AFF1: variants seen among roughly 807,000 people sequenced by gnomAD.
AFF1 encodes ALF transcription elongation factor 1.
A neutral mutation model predicts 121.7 loss-of-function variants in AFF1; 48 were observed. The ratio of observed to expected loss-of-function variants is 0.39; its 90% CI spans 0.31 to 0.50. The LOEUF is 0.50. Among genes scored for constraint, AFF1 ranks in the 20% least tolerant of loss-of-function variants. The pLI, the probability that AFF1 is intolerant of heterozygous loss-of-function variation, is 0.76. For missense variants in AFF1, 1,523 were observed against 1,511.7 expected, an observed-to-expected ratio of 1.01 and a Z score of -0.12; for synonymous variants, 613 against 563.0, an observed-to-expected ratio of 1.09 and a Z score of -1.26.
chr4:86,993,474 T>C (rs1724886049), intron 2 of AFF1, among the ~76,000 whole-genome samples: 3 of 152,184 alleles, frequency 2.0e-5, no homozygotes, highest in Admixed American at 1.3e-4. Context: ...AGGGATAGTT[T>C]CAAGGGCAGG....
chr4:86,979,027 C>T (rs1363841131), intron 2 of AFF1, among the ~76,000 whole-genome samples: 1 of 152,156 alleles, frequency 6.6e-6, no homozygotes, highest in Non-Finnish European at 1.5e-5. Flanking sequence ...TGAAAGTTTG[C>T]CTCATGTACT....
chr4:87,006,129 A>G (rs1253226813), intron 2 of AFF1, among the ~76,000 whole-genome samples: 1 of 152,188 alleles, frequency 6.6e-6, no homozygotes, highest in East Asian at 1.9e-4. Flanking sequence ...ATTTAGTAAT[A>G]CAATCTGGAC....
At chr4:87,040,191 G>A (rs1012308443) in intron 2 of AFF1, among the ~76,000 whole-genome samples, 7 of 151,988 alleles carry the variant, frequency 4.6e-5, no homozygotes, top group African/African-American at 1.7e-4. Flanking sequence ...CACTGTGACC[G>A]GCCCACAGTT....
intron 4 of AFF1, among the ~76,000 whole-genome samples, chr4:87,051,424 T>A (rs1461603358): frequency 6.6e-6 from 1 of 151,942 alleles, no homozygotes; most frequent in Non-Finnish European, 1.5e-5. Flanking sequence ...TCTTTTTTTT[T>A]TTTTTAACGT....
chr4:87,123,196 A>G (rs1179041270), intron 12 of AFF1, among the ~76,000 whole-genome samples: 1 of 152,216 alleles, frequency 6.6e-6, no homozygotes, highest in East Asian at 1.9e-4. Context: ...GCCCAGCCTA[A>G]CATTTTAATA....
At chr4:87,102,404 G>A (rs1254001854) in intron 8 of AFF1, among the ~76,000 whole-genome samples, 1 of 152,192 alleles carries the variant, frequency 6.6e-6, no homozygotes, top group Admixed American at 6.5e-5. Context: ...CTCTTGGTGG[G>A]TTCTGGAATT....
intron 2 of AFF1, among the ~76,000 whole-genome samples, chr4:86,951,136 C>A (rs1351451676): frequency 6.6e-6 from 1 of 152,060 alleles, no homozygotes; most frequent in Non-Finnish European, 1.5e-5. Context: ...ATTTAGCAAC[C>A]CTGGGCTTGC....
chr4:86,969,634 A>T (rs905493186), intron 2 of AFF1, among the ~76,000 whole-genome samples: 1 of 151,202 alleles, frequency 6.6e-6, no homozygotes, highest in Non-Finnish European at 1.5e-5. Flanking sequence ...TAATCCCAGC[A>T]CTTAGGGAGG....
intron 11 of AFF1, among the ~76,000 whole-genome samples, chr4:87,109,144 G>A (rs1468019038): frequency 6.6e-6 from 1 of 152,180 alleles, no homozygotes; most frequent in Admixed American, 6.5e-5. Context: ...AGCCCACATC[G>A]AGAAAATTAT....
At chr4:87,085,920 G>T (rs940555926) in intron 5 of AFF1, among the ~76,000 whole-genome samples, 3 of 151,948 alleles carry the variant, frequency 2.0e-5, no homozygotes, top group African/African-American at 7.3e-5. Flanking sequence ...TGTATTTTTA[G>T]TAGAGACGGT....
chr4:87,084,430 C>T (rs1036659639), intron 5 of AFF1, among the ~76,000 whole-genome samples: 1 of 151,984 alleles, frequency 6.6e-6, no homozygotes, highest in Non-Finnish European at 1.5e-5. Flanking sequence ...GTAGTCCCAG[C>T]TACTCAGGAG....
At chr4:86,963,553 T>C (rs1161758828) in intron 2 of AFF1, among the ~76,000 whole-genome samples, 1 of 152,196 alleles carries the variant, frequency 6.6e-6, no homozygotes, top group Non-Finnish European at 1.5e-5. Context: ...CTTTAAACTT[T>C]TTAAAAAGCT....
At chr4:87,073,800 A>G (rs1195456273) in intron 4 of AFF1, among the ~76,000 whole-genome samples, 4 of 152,248 alleles carry the variant, frequency 2.6e-5, no homozygotes, top group African/African-American at 4.8e-5. Flanking sequence ...TCTCTGCAAC[A>G]TAGAATTAAA....
intron 2 of AFF1, among the ~76,000 whole-genome samples, chr4:87,042,676 C>T (rs76794437): frequency 0.039 from 5,946 of 152,214 alleles, 199 homozygotes; most frequent in African/African-American, 0.093. Flanking sequence ...AAAATCTTAA[C>T]GTGGGTTTAA....
At chr4:87,071,083 A>G (rs918390290) in intron 4 of AFF1, among the ~76,000 whole-genome samples, 2 of 152,166 alleles carry the variant, frequency 1.3e-5, no homozygotes, top group Admixed American at 6.5e-5. Flanking sequence ...GTTTTTAGTA[A>G]GAACTATGTT....
At chr4:87,093,168 G>A (rs1048984645) in intron 7 of AFF1, among the ~76,000 whole-genome samples, 2 of 152,212 alleles carry the variant, frequency 1.3e-5, no homozygotes, top group African/African-American at 4.8e-5. Flanking sequence ...GCCCTATGCA[G>A]TAATGTGGGT....
chr4:86,943,578 C>T (rs1720620593), intron 1 of AFF1, among the ~76,000 whole-genome samples: 2 of 152,154 alleles, frequency 1.3e-5, no homozygotes, highest in South Asian at 4.1e-4. Flanking sequence ...TTGAAAAGTT[C>T]CCAGGCTGGG....
intron 12 of AFF1, among the ~76,000 whole-genome samples, chr4:87,120,277 C>T (rs138346069): frequency 6.6e-6 from 1 of 152,316 alleles, no homozygotes; most frequent in African/African-American, 2.4e-5. Context: ...CATATTGAAT[C>T]TCCTTCCGAG....
intron 2 of AFF1, among the ~76,000 whole-genome samples, chr4:86,962,302 G>A (rs1722212239): frequency 6.6e-6 from 1 of 152,018 alleles, no homozygotes; most frequent in African/African-American, 2.4e-5. Context: ...AAATCAGTTA[G>A]ATCTGGGTTT....
Sources: allele counts gnomAD v4.1 joint callset (sites outside exome capture counted in the v4.1 genomes callset), GRCh38; gene constraint gnomAD v4.1.1; transcripts MANE v1.5; gene names NCBI Gene and HGNC (gene_info 2026-07-23, HGNC 2026-07-21).